The following CPT2 variants were observed in gnomAD, a reference collection of about 807,000 sequenced individuals.
CPT2 encodes the protein carnitine O-palmitoyltransferase 2, mitochondrial.
A neutral mutation model predicts 48.6 loss-of-function variants in CPT2; 37 were observed. The observed-to-expected ratio is 0.76, with a 90% CI of 0.59 to 1.00. The LOEUF is 1.00. CPT2 is among the 50% of genes least tolerant of loss of function. The pLI is 0.00. For missense variants in CPT2, 772 were observed against 825.6 expected, an observed-to-expected ratio of 0.94 and a Z score of 0.80; for synonymous variants, 319 against 326.9, an observed-to-expected ratio of 0.98 and a Z score of 0.26.
intron 1 of CPT2, among the ~76,000 whole-genome samples, chr1:53,197,758 CCCT>C (rs1313571285): frequency 1.3e-5 from 2 of 152,066 alleles, no homozygotes; most frequent in African/African-American, 4.8e-5. Flanking sequence ...TCTCTCCAAG[CCCT>C]CCTCAACAGG....
At chr1:53,201,063 C>T in intron 2 of CPT2, 1 of 492,944 alleles carries the variant, frequency 2.0e-6, no homozygotes, top group East Asian at 4.0e-5. Context: ...GCAGGTGTAC[C>T]TGGGAGGCTC....
intron 1 of CPT2, among the ~76,000 whole-genome samples, chr1:53,198,394 A>G (rs189669068): frequency 1.3e-5 from 2 of 152,192 alleles, no homozygotes; most frequent in Non-Finnish European, 2.9e-5. Flanking sequence ...AGGAGGATCG[A>G]GTGATTCTTG....
chr1:53,197,383 A>G, intron 1 of CPT2: 3 of 511,496 alleles, frequency 5.9e-6, no homozygotes, highest in Non-Finnish European at 1.1e-5. Flanking sequence ...CCAGCCAGCT[A>G]TCCTGAGTCC....
chr1:53,210,678 T>C lies in CPT2; in HGVS notation c.1004T>C (p.Leu335Pro), dbSNP rs1645418083. ...LCLDDFPIKD[L>P]VHLSHNMLHG... ...CTAGATGACTTCCCCATTAAGGACC[T>C]TGTCCACTTGTCCCACAATATGCTG... The change falls in exon 4 of 5, where the codon CTT (leucine) becomes CCT (proline). Residue 335 changes from leucine (L) to proline (P), a missense_variant. Physicochemically the swap from Leu to Pro is moderately conservative, Grantham distance 98. Coordinates refer to ENST00000371486, the MANE Select transcript of CPT2 (RefSeq NM_000098.3). 2 of 1,614,182 alleles carry C rather than the reference T, an allele frequency of 1.2e-6. No individual in the cohort carries two copies. Among genetic ancestry groups the C allele is most frequent in the Non-Finnish European group, 1.7e-6 (2 of 1,180,040 alleles).
rs539788342 is a variant in CPT2, at chr1:53,211,638, C to T, written c.1645+319C>T. ...TTTTTTGGAGACAAGAGTTTCCCTC[C>T]GTCCAGGCTGGAGTGCAATGGCGTG... On this transcript the variant is annotated intron_variant, in intron 4 of 4. Transcript: ENST00000371486. 69 of 434,210 alleles carry T rather than the reference C, an allele frequency of 1.6e-4. 1 individual carries two copies. The highest frequency in any genetic ancestry group is 1.4e-3 in the South Asian group (32 of 23,420). 26.9% of individuals were successfully genotyped at this position (434,210 alleles called of 1,614,324 possible).
intron 3 of CPT2, among the ~76,000 whole-genome samples, chr1:53,205,332 TGAGAG>T (rs1179919238): frequency 6.6e-6 from 1 of 152,074 alleles, no homozygotes; most frequent in Non-Finnish European, 1.5e-5. Flanking sequence ...ACTTTGAACT[TGAGAG>T]GGGTGATTTA....
chr1:53,212,699 T>A, intron 4 of CPT2: 1 of 404,502 alleles, frequency 2.5e-6, no homozygotes, highest in Non-Finnish European at 4.4e-6. Flanking sequence ...AGGGTCATAG[T>A]TGTCCTTTCA....
rs752505552 is a variant in CPT2, at chr1:53,202,447, TG to T, written c.340+21del. 5.7e-6 allele frequency: 9 copies of T among 1,573,874 alleles called. No individual in the cohort carries two copies. Among genetic ancestry groups the T allele is most frequent in the South Asian group, 1.1e-5 (1 of 90,270 alleles). On this transcript the variant is annotated intron_variant, in intron 3 of 4. Transcript: ENST00000371486. Reference sequence around the variant, plus strand: ...CATTTCGGGTAGGTAGGCTGGGCTGTGGGTATGATTTCTCCCAGAGCCCTCC... The same window carrying T: ...CATTTCGGGTAGGTAGGCTGGGCTGTGGTATGATTTCTCCCAGAGCCCTCC...
At chr1:53,212,308 C>A (rs1394714683) in intron 4 of CPT2, among the ~76,000 whole-genome samples, 13 of 152,106 alleles carry the variant, frequency 8.5e-5, no homozygotes, top group Non-Finnish European at 1.5e-5. Context: ...CATGATCTAC[C>A]CGCCTCACCC....
chr1:53,211,048 G>A lies in CPT2; in HGVS notation c.1374G>A (p.Lys458=). The A allele has an allele frequency of 6.2e-7, 1 of 1,614,226 alleles. No homozygotes were observed. Among genetic ancestry groups the A allele is most frequent in the Middle Eastern group, 1.6e-4 (1 of 6,062 alleles). Residue 458 remains lysine, a synonymous_variant, in exon 4 of 5, where the codon AAG becomes AAA. Transcript: ENST00000371486. ...GAGGAGGCAAAGAATTCCTGAAGAAGCAAAAGCTGAGCCCTGACGCAGTTG... is the reference window on the plus strand; with the variant it reads ...GAGGAGGCAAAGAATTCCTGAAGAAACAAAAGCTGAGCCCTGACGCAGTTG... ...FQRGGKEFLK[K]QKLSPDAVAQ... is the part of the protein sequence containing the mutation.
rs1235656058 is a variant in CPT2, at chr1:53,197,025, G to T, written c.82G>T (p.Gly28Cys). ...PGAPSRPLSA[G>C]SGPGQYLQRS... is the part of the protein sequence containing the mutation. ...AGCCCCCAGTCGGCCCCTCAGCGCC[G>T]GCTCCGGGCCCGGCCAGTACCTGCA... The change falls in exon 1 of 5, where the codon GGC (glycine) becomes TGC (cysteine). Residue 28 changes from glycine to cysteine, a missense_variant. Gly to Cys is a radical substitution (Grantham distance 159). Coordinates refer to ENST00000371486, the MANE Select transcript of CPT2 (RefSeq NM_000098.3). 3 of 1,535,776 alleles carry T rather than the reference G, an allele frequency of 2.0e-6. No individual in the cohort carries two copies. Among genetic ancestry groups the T allele is most frequent in the Non-Finnish European group, 2.6e-6 (3 of 1,145,224 alleles).
At chr1:53,205,146 T>C (rs758100151) in intron 3 of CPT2, among the ~76,000 whole-genome samples, 8 of 152,184 alleles carry the variant, frequency 5.3e-5, no homozygotes, top group Admixed American at 2.6e-4. Context: ...TTGGAACTTC[T>C]TAGAGAGTTG....
Position 53,210,780 on chromosome 1 carries a change from A to C in CPT2, c.1106A>C (p.His369Pro). Reference protein sequence around the residue: ...IIAKDGSTAVHFEHSWGDGVA... With the variant: ...IIAKDGSTAVPFEHSWGDGVA... The stretch of plus-strand genomic sequence containing the variant: ...GCCAAGGATGGCTCTACTGCCGTCC[A>C]CTTTGAGCACTCTTGGGGTGATGGT... Residue 369 changes from histidine to proline, a missense_variant, in exon 4 of 5, where the codon CAC (histidine) becomes CCC (proline). Coordinates refer to ENST00000371486, the MANE Select transcript of CPT2 (RefSeq NM_000098.3). The C allele has an allele frequency of 6.2e-7, 1 of 1,614,208 alleles. No homozygotes were observed.
rs773474888 is a variant in CPT2, at chr1:53,210,883, A to G, written c.1209A>G (p.Pro403=). Residue 403 remains proline, a synonymous_variant, in exon 4 of 5, where the codon CCA becomes CCG. Coordinates refer to ENST00000371486, the MANE Select transcript of CPT2 (RefSeq NM_000098.3). Reference sequence around the variant, plus strand: ...CTGCCGTCACTCCACAGAGCCAGCCAGCTACCACTGACTCTACTGTCACGG... The same window carrying G: ...CTGCCGTCACTCCACAGAGCCAGCCGGCTACCACTGACTCTACTGTCACGG... The part of the protein sequence containing the change: ...QTPAVTPQSQ[P]ATTDSTVTVQ... The G allele has an allele frequency of 6.2e-7, 1 of 1,614,208 alleles. No individual in the cohort carries two copies. The highest frequency in any genetic ancestry group is 8.5e-7 in the Non-Finnish European group (1 of 1,180,046).
intron 4 of CPT2, 54 bp from the exon 5 acceptor site, chr1:53,213,210 T>C (rs941333541): frequency 6.3e-7 from 1 of 1,594,872 alleles, no homozygotes; most frequent in African/African-American, 1.3e-5. Context: ...TGGGAGGTTT[T>C]CCTGAGGTCC....
In CPT2 at chr1:53,213,324, T is replaced by C. The variant is rs1454846833; in HGVS notation, c.1706T>C (p.Ile569Thr). 2 of 1,614,120 alleles carry C rather than the reference T, an allele frequency of 1.2e-6. No homozygotes were observed. The highest frequency in any genetic ancestry group is 2.2e-5 in the East Asian group (1 of 44,892). Residue 569 changes from isoleucine (I) to threonine (T), a missense_variant, in exon 5 of 5, where the codon ATC (isoleucine) becomes ACC (threonine). Transcript: ENST00000371486. Reference protein sequence around the residue: ...LRHLAAAKGIILPELYLDPAY... With the variant: ...LRHLAAAKGITLPELYLDPAY... ...CATCTGGCAGCAGCCAAAGGGATCA[T>C]CTTGCCTGAGCTCTACCTGGACCCT...
rs566340484 is a variant in CPT2 at position 53,198,345 on chromosome 1, A to C, written c.152+1250A>C. Among the ~76,000 whole-genome samples the C allele has an allele frequency of 5.3e-5, 8 of 152,324 alleles. No individual in the cohort carries two copies. The South Asian group carries it at 1.7e-3, about 32-fold the overall frequency. On this transcript the variant is annotated intron_variant, in intron 1 of 4. Coordinates refer to ENST00000371486, the MANE Select transcript of CPT2 (RefSeq NM_000098.3). ...GTTGTTTTTCTCTGCATCTGGGACC[A>C]CTTAACCCAACGTCATCACTACATA...
At chr1:53,198,863 G>T (rs1277430623) in intron 1 of CPT2, among the ~76,000 whole-genome samples, 1 of 152,168 alleles carries the variant, frequency 6.6e-6, no homozygotes, top group African/African-American at 2.4e-5. Context: ...TGTAAATTGG[G>T]AGTTAGATGA....
In CPT2 at chr1:53,210,223, T is replaced by C; in HGVS notation, c.549T>C (p.Ser183=). The C allele has an allele frequency of 6.2e-7, 1 of 1,614,044 alleles. No individual in the cohort carries two copies. Among genetic ancestry groups the C allele is most frequent in the Non-Finnish European group, 8.5e-7 (1 of 1,179,934 alleles). Reference sequence around the variant, plus strand: ...TGTTCCACTTGAACCCTGCAAAAAGTGACACTATCACCTTCAAGAGACTCA... The same window carrying C: ...TGTTCCACTTGAACCCTGCAAAAAGCGACACTATCACCTTCAAGAGACTCA... ...PEVFHLNPAK[S]DTITFKRLIR... The change falls in exon 4 of 5, where the codon AGT becomes AGC. Residue 183 remains serine (S), a synonymous_variant. Coordinates refer to ENST00000371486, the MANE Select transcript of CPT2 (RefSeq NM_000098.3).
Sources: gnomAD v4.1 joint callset for allele counts (sites outside exome capture counted in the v4.1 genomes callset) on GRCh38, gnomAD v4.1.1 for gene constraint, MANE v1.5 for transcripts, NCBI Gene and HGNC (gene_info 2026-07-23, HGNC 2026-07-21) for gene names.